Variants in HMCN1 observed in about 807,000 individuals in gnomAD.
The protein encoded by HMCN1 is hemicentin 1.
A neutral mutation model predicts 625.9 loss-of-function variants in HMCN1; 321 were observed. That is an observed-to-expected ratio of 0.51 (90% CI 0.47 to 0.56). HMCN1 has a LOEUF of 0.56. HMCN1 is among the 20% of genes least tolerant of loss of function. The pLI, the probability that HMCN1 is intolerant of heterozygous loss-of-function variation, is 0.00. For missense variants in HMCN1, 6,588 were observed against 6,887.3 expected, an observed-to-expected ratio of 0.96 and a Z score of 1.54; for synonymous variants, 2,425 against 2,417.6, an observed-to-expected ratio of 1.00 and a Z score of -0.09.
chr1:185,895,854 C>T (rs1320026477), intron 4 of HMCN1, among the ~76,000 whole-genome samples: 2 of 152,158 alleles, frequency 1.3e-5, no homozygotes, highest in African/African-American at 4.8e-5. Flanking sequence ...GTAAGTAAGA[C>T]ACTGATTAAT....
rs924647179 is a variant in HMCN1 at position 186,127,985 on chromosome 1, A to G, written c.12691-93A>G. 1.3e-4 allele frequency: 132 copies of G among 1,027,586 alleles called. 2 individuals are homozygous for G. The African/African-American group carries it at 1.9e-3, about 15-fold the overall frequency. The allele number at this position is 1,027,586 out of a possible 1,614,324, so 63.7% of individuals were successfully genotyped here. ...AATTTAAATTGTCTTTGGATAAGAG[A>G]GTTTCTTGAGGGCCTAGCTATGCAA... On this transcript the variant is annotated intron_variant, in intron 82 of 106. Transcript: ENST00000271588.
At chr1:185,963,318 T>G (rs988176856) in intron 12 of HMCN1, among the ~76,000 whole-genome samples, 1 of 152,090 alleles carries the variant, frequency 6.6e-6, no homozygotes, top group Non-Finnish European at 1.5e-5. Context: ...AGACTCACTG[T>G]GTGACATGAG....
rs572742171 is a variant in HMCN1, at chr1:185,909,382, C to A, written c.667C>A (p.Leu223Ile). Residue 223 changes from leucine (L) to isoleucine (I), a missense_variant, in exon 5 of 107, where the codon CTT becomes ATT. By Grantham distance (5) the Leu-to-Ile change is conservative (BLOSUM62 2). This residue lies in a region of HMCN1 where 4,628 missense variants were observed against 4,853.1 expected (regional missense o/e 0.95). Transcript: ENST00000271588. ...AGCAGTACAGGCCTCCAAAGTTCAC[C>A]TTTTATCCACAGATCATTTGGAACA... ...EEAVQASKVH[L>I]LSTDHLEQAV... 3.8e-5 allele frequency: 61 copies of A among 1,613,228 alleles called. No homozygotes were observed. In the South Asian group the frequency reaches 6.6e-4, roughly 17 times the overall value.
chr1:185,998,196 G>A (rs1652936540), intron 25 of HMCN1, among the ~76,000 whole-genome samples: 1 of 152,116 alleles, frequency 6.6e-6, no homozygotes, highest in South Asian at 2.1e-4. Flanking sequence ...GTGATTTAAA[G>A]CAGGTTTGTA....
At chr1:185,831,596 CTA>C (rs1202574792) in intron 1 of HMCN1, among the ~76,000 whole-genome samples, 2 of 151,926 alleles carry the variant, frequency 1.3e-5, no homozygotes, top group Non-Finnish European at 2.9e-5. Context: ...TTTACAGTTT[CTA>C]TGATTGTGTA....
intron 70 of HMCN1, among the ~76,000 whole-genome samples, chr1:186,108,035 TA>T (rs559777006): frequency 0.061 from 5,959 of 98,212 alleles, 176 homozygotes; most frequent in African/African-American, 0.11. Flanking sequence ...GTAAATTCTG[TA>T]AAAAAAAAAA....
intron 89 of HMCN1, 86 bp downstream of exon 89, chr1:186,138,058 A>T: frequency 7.0e-7 from 1 of 1,433,396 alleles, no homozygotes; most frequent in Non-Finnish European, 9.7e-7. Context: ...TTTCTTCTTC[A>T]TTGTAAAAAG....
intron 1 of HMCN1, among the ~76,000 whole-genome samples, chr1:185,760,968 C>T (rs1655462095): frequency 6.6e-6 from 1 of 152,130 alleles, no homozygotes; most frequent in African/African-American, 2.4e-5. Flanking sequence ...TCTCCAAAAT[C>T]TGAAGTTGTA....
chr1:186,038,186 A>C, intron 37 of HMCN1, 151 bp downstream of exon 37: 1 of 647,298 alleles, frequency 1.5e-6, no homozygotes, highest in Non-Finnish European at 2.8e-6. Flanking sequence ...ATTATTAGAT[A>C]ACATTTTTGA....
At chr1:185,859,787 T>A (rs1289707445) in intron 2 of HMCN1, among the ~76,000 whole-genome samples, 1 of 152,070 alleles carries the variant, frequency 6.6e-6, no homozygotes, top group Admixed American at 6.6e-5. Context: ...TGCCTCAGCC[T>A]CCTGAGTAGC....
Position 186,130,667 on chromosome 1 carries a change from C to G in HMCN1, c.13200C>G (p.Gly4400=). ...IEISHRIRQL[G]NGSLAIYGTV... ...TTAGCCACAGAATCCGGCAACTGGGCAATGGCTCCCTGGCCATCTATGGCA... is the reference window on the plus strand; with the variant it reads ...TTAGCCACAGAATCCGGCAACTGGGGAATGGCTCCCTGGCCATCTATGGCA... The change falls in exon 85 of 107, where the codon GGC becomes GGG. Residue 4400 remains glycine (G), a synonymous_variant. Coordinates refer to ENST00000271588, the MANE Select transcript of HMCN1 (RefSeq NM_031935.3). 2 of 1,613,036 alleles carry G rather than the reference C, an allele frequency of 1.2e-6. No individual in the cohort carries two copies. Among genetic ancestry groups the G allele is most frequent in the Non-Finnish European group, 1.7e-6 (2 of 1,179,542 alleles).
At chr1:185,910,678 C>CTCCCTCCTGGG (rs1666363965) in intron 5 of HMCN1, among the ~76,000 whole-genome samples, 1 of 151,246 alleles carries the variant, frequency 6.6e-6, no homozygotes, top group Admixed American at 6.6e-5. Flanking sequence ...TCAAACGATT[C>CTCCCTCCTGGG]TCCTGCCTCA....
chr1:186,055,807 C>A, intron 45 of HMCN1, 133 bp downstream of exon 45: 1 of 865,766 alleles, frequency 1.2e-6, no homozygotes, highest in Non-Finnish European at 1.9e-6. Context: ...TACCTTTTCC[C>A]CAGGTCAGTC....
intron 22 of HMCN1, 27 bp from the exon 23 acceptor site, chr1:185,993,155 G>T: frequency 1.2e-6 from 2 of 1,605,328 alleles, no homozygotes; most frequent in South Asian, 1.1e-5. Context: ...CTCTTCCATG[G>T]TCTACTATAT....
At chr1:186,003,261 G>A (rs1008333050) in intron 28 of HMCN1, among the ~76,000 whole-genome samples, 6 of 151,998 alleles carry the variant, frequency 3.9e-5, no homozygotes, top group African/African-American at 1.4e-4. Flanking sequence ...ATGTTATATT[G>A]CATACCAAAT....
chr1:185,840,184 A>T (rs768476565), intron 1 of HMCN1, among the ~76,000 whole-genome samples: 2 of 152,222 alleles, frequency 1.3e-5, no homozygotes, highest in African/African-American at 4.8e-5. Flanking sequence ...ATGGAGAAAT[A>T]TGGAACGCAT....
At chr1:186,148,065 C>T (rs191617978) in intron 93 of HMCN1, among the ~76,000 whole-genome samples, 4 of 152,318 alleles carry the variant, frequency 2.6e-5, no homozygotes, top group Admixed American at 6.5e-5. Flanking sequence ...CAAATCCTGC[C>T]ACTGCTTTAT....
intron 6 of HMCN1, among the ~76,000 whole-genome samples, chr1:185,919,691 G>A (rs568322591): frequency 1.9e-4 from 29 of 152,224 alleles, no homozygotes; most frequent in South Asian, 1.0e-3. Flanking sequence ...CATGAGAAAC[G>A]CGTGGGGTAG....
chr1:185,818,482 C>T (rs915727474), intron 1 of HMCN1, among the ~76,000 whole-genome samples: 5 of 152,040 alleles, frequency 3.3e-5, no homozygotes, highest in South Asian at 2.1e-4. Context: ...TGGATAAACT[C>T]GATTTGGTCA....
Sources: allele counts gnomAD v4.1 joint callset (sites outside exome capture counted in the v4.1 genomes callset), GRCh38; gene constraint gnomAD v4.1.1; regional missense constraint gnomAD v4.1.1; transcripts MANE v1.5; gene names NCBI Gene and HGNC (gene_info 2026-07-23, HGNC 2026-07-21).